Variants in DMD observed in about 807,000 individuals in gnomAD.
The protein encoded by DMD is mutant dystrophin.
In DMD, 63 loss-of-function variants were observed where a neutral mutation model predicts 330.1. The ratio of observed to expected loss-of-function variants is 0.19; its 90% CI spans 0.16 to 0.24. The LOEUF (loss-of-function observed/expected upper bound fraction) is 0.24, where lower values mean the gene tolerates loss of function less well. Among genes scored for constraint, DMD ranks in the 10% least tolerant of loss-of-function variants. The pLI is 1.00. For missense variants in DMD, 3,344 were observed against 2,684.1 expected, an observed-to-expected ratio of 1.25 and a Z score of -5.43; for synonymous variants, 1,223 against 959.8, an observed-to-expected ratio of 1.27 and a Z score of -5.07.
At chrX:33,031,134 C>T (rs940254974) in intron 1 of DMD, among the ~76,000 whole-genome samples, 1 of 110,752 alleles carries the variant, frequency 9.0e-6, no homozygotes, top group Non-Finnish European at 1.9e-5. Context: ...GCTGAAGATT[C>T]CTCACCACAA....
At chrX:32,836,137 T>C (rs1158454992) in intron 4 of DMD, among the ~76,000 whole-genome samples, 1 of 109,511 alleles carries the variant, frequency 9.1e-6, no homozygotes, top group Non-Finnish European at 1.9e-5. Flanking sequence ...GTTCAAGTGA[T>C]TCTCATGCCT....
intron 1 of DMD, among the ~76,000 whole-genome samples, chrX:33,078,543 T>A (rs964178058): frequency 1.8e-5 from 2 of 112,218 alleles, no homozygotes; most frequent in African/African-American, 6.5e-5. Context: ...ATAAGTTATG[T>A]TGACTCTGAA....
chrX:32,184,748 CT>C (rs771975986), intron 44 of DMD, among the ~76,000 whole-genome samples: 1 of 105,641 alleles, frequency 9.5e-6, no homozygotes, highest in African/African-American at 3.4e-5. Flanking sequence ...AAATATAAGG[CT>C]TTTTTTCTTA....
chrX:33,334,044 T>C (rs1345938712), intron 1 of DMD, among the ~76,000 whole-genome samples: 5 of 111,489 alleles, frequency 4.5e-5, no homozygotes, highest in African/African-American at 1.6e-4. Flanking sequence ...GTAAGTCTAC[T>C]GAAATCATAC....
At chrX:31,495,733 G>A (rs2069776740) in intron 57 of DMD, among the ~76,000 whole-genome samples, 1 of 111,546 alleles carries the variant, frequency 9.0e-6, no homozygotes, top group African/African-American at 3.3e-5. Context: ...AGAAGGAATG[G>A]TAGAGATAGG....
At chrX:31,911,896 G>A (rs982768750) in intron 47 of DMD, among the ~76,000 whole-genome samples, 15 of 111,646 alleles carry the variant, frequency 1.3e-4, no homozygotes, top group African/African-American at 3.3e-4. Flanking sequence ...TTGGAAAGGC[G>A]AAAAAACTCG....
intron 45 of DMD, among the ~76,000 whole-genome samples, chrX:31,962,186 T>C (rs2095312719): frequency 9.0e-6 from 1 of 111,512 alleles, no homozygotes; most frequent in Non-Finnish European, 1.9e-5. Context: ...GTTATAAGTA[T>C]TGAGCTACGT....
At chrX:32,386,274 T>G in intron 33 of DMD, 36 bp downstream of exon 33, 1 of 1,203,325 alleles carries the variant, frequency 8.3e-7, no homozygotes, top group Non-Finnish European at 1.1e-6. Flanking sequence ...ATAAGGAAAG[T>G]GGAAAGAAGT....
At chrX:31,851,526 T>C (rs2093526103) in intron 48 of DMD, among the ~76,000 whole-genome samples, 1 of 111,878 alleles carries the variant, frequency 8.9e-6, no homozygotes, top group Non-Finnish European at 1.9e-5. Flanking sequence ...TTTCAAAGTC[T>C]TTTTGGCAGA....
chrX:31,623,553 C>T (rs1040970237), intron 55 of DMD, among the ~76,000 whole-genome samples: 1 of 112,193 alleles, frequency 8.9e-6, no homozygotes, highest in Non-Finnish European at 1.9e-5. Flanking sequence ...TGAGCCACCA[C>T]ACCCAATTTT....
chrX:31,366,500 A>T (rs1255550968), intron 60 of DMD, among the ~76,000 whole-genome samples: 8 of 66,084 alleles, frequency 1.2e-4, no homozygotes, highest in African/African-American at 2.5e-4. Context: ...AAAAAAACAT[A>T]AAAAAAAAAA....
intron 15 of DMD, 82 bp from the exon 16 acceptor site, chrX:32,565,963 T>C (rs1173558816): frequency 1.2e-6 from 1 of 862,003 alleles, no homozygotes; most frequent in Non-Finnish European, 1.7e-6. Context: ...TTGCGTGTAT[T>C]TGCTCATTTG....
chrX:31,786,516 ACTC>A (rs1225793660), intron 50 of DMD, among the ~76,000 whole-genome samples: 1 of 110,693 alleles, frequency 9.0e-6, no homozygotes, highest in African/African-American at 3.3e-5. Context: ...TGTCCTCACT[ACTC>A]CTACTTGCAT....
At chrX:31,177,824 TAAAACAAAAC>T (rs766042645) in intron 71 of DMD, 98 bp downstream of exon 71, 6 of 768,852 alleles carry the variant, frequency 7.8e-6, no homozygotes, top group East Asian at 3.3e-5. Context: ...AATATGTCCA[TAAAACAAAAC>T]AAAACAAAAG....
At chrX:31,249,824 TA>T (rs1472207343) in intron 63 of DMD, among the ~76,000 whole-genome samples, 1 of 110,974 alleles carries the variant, frequency 9.0e-6, no homozygotes, top group East Asian at 2.8e-4. Flanking sequence ...TATATGATAA[TA>T]ATAACTAATA....
At position 32,715,662 on chromosome X, in the gene DMD, T is replaced by C. The variant is rs767317311; in HGVS notation, c.650-16369A>G. On this transcript the variant is annotated intron_variant, in intron 7 of 78. Transcript: ENST00000357033. ...TAAAAATGCAAAAATTAGCTGGGTG[T>C]GGTGGTGGGCGCCTGTAAATCCCAG... is the stretch of plus-strand genomic sequence containing the variant. Among the ~76,000 whole-genome samples, 12 of 107,916 alleles carry C rather than the reference T, an allele frequency of 1.1e-4. No homozygotes were observed. The East Asian group carries it at 3.5e-3, about 32-fold the overall frequency. The allele number at this position is 107,916 out of a possible 115,157, so 93.7% of individuals were successfully genotyped here.
intron 9 of DMD, among the ~76,000 whole-genome samples, chrX:32,659,118 T>C (rs988413015): frequency 8.9e-6 from 1 of 112,042 alleles, no homozygotes; most frequent in Non-Finnish European, 1.9e-5. Flanking sequence ...AAGAGGAGTT[T>C]GGTTCAATTA....
chrX:32,212,873 T>G (rs756318894), intron 44 of DMD, among the ~76,000 whole-genome samples: 1 of 111,674 alleles, frequency 9.0e-6, no homozygotes, highest in South Asian at 3.8e-4. Flanking sequence ...TTCATGTACT[T>G]AATTTTGTCT....
At chrX:32,660,453 T>A (rs765229510) in intron 9 of DMD, among the ~76,000 whole-genome samples, 5 of 111,489 alleles carry the variant, frequency 4.5e-5, no homozygotes, top group Admixed American at 2.9e-4. Context: ...AGACAAAACC[T>A]CACTGAAAGT....
Sources: gnomAD v4.1 joint callset for allele counts (sites outside exome capture counted in the v4.1 genomes callset) on GRCh38, gnomAD v4.1.1 for gene constraint, MANE v1.5 for transcripts, NCBI Gene and HGNC (gene_info 2026-07-23, HGNC 2026-07-21) for gene names.